GPM6B: variants seen among roughly 807,000 people sequenced by gnomAD.
GPM6B encodes the protein neuronal membrane glycoprotein M6-b.
A neutral mutation model predicts 27.2 loss-of-function variants in GPM6B; 4 were observed. That is an observed-to-expected ratio of 0.15 (90% CI 0.07 to 0.34). GPM6B has a LOEUF of 0.34. Ranked by LOEUF, GPM6B falls within the 10% of genes least tolerant of loss-of-function variation. The pLI, the probability that GPM6B is intolerant of heterozygous loss-of-function variation, is 1.00. For missense variants in GPM6B, 183 were observed against 261.9 expected, an observed-to-expected ratio of 0.70 and a Z score of 2.08; for synonymous variants, 124 against 103.1, an observed-to-expected ratio of 1.20 and a Z score of -1.23.
At chrX:13,813,683 GACA>G (rs1443930608) in intron 1 of GPM6B, among the ~76,000 whole-genome samples, 7 of 111,860 alleles carry the variant, frequency 6.3e-5, no homozygotes, top group South Asian at 3.7e-4. Flanking sequence ...CAAATGAAAT[GACA>G]ACAAGTAATA....
chrX:13,783,940 G>C (rs2048564092), intron 3 of GPM6B: 2 of 320,403 alleles, frequency 6.2e-6, no homozygotes, highest in Non-Finnish European at 1.2e-5. Flanking sequence ...CTTTCAAAAT[G>C]CCTCCCAACC....
At chrX:13,820,477 G>C (rs895544338), upstream of GPM6B, among the ~76,000 whole-genome samples, 6 of 110,960 alleles carry the variant, frequency 5.4e-5, no homozygotes, top group African/African-American at 2.0e-4. Context: ...GGGACTAAGA[G>C]GCATTCAGGA....
chrX:13,898,267 T>C (rs1258609830), intron 1 of GPM6B, among the ~76,000 whole-genome samples: 1 of 112,240 alleles, frequency 8.9e-6, no homozygotes, highest in Non-Finnish European at 1.9e-5. Context: ...GTCAGTAGCA[T>C]CCTCTAGTTA....
At chrX:13,776,939 T>C (rs1424629001) in intron 6 of GPM6B, among the ~76,000 whole-genome samples, 6 of 111,842 alleles carry the variant, frequency 5.4e-5, no homozygotes, top group Non-Finnish European at 9.4e-5. Flanking sequence ...CAAATTCCTC[T>C]ATGAAATAGA....
At chrX:13,780,025 A>C in intron 4 of GPM6B, 36 bp from the exon 5 acceptor site, 1 of 1,106,001 alleles carries the variant, frequency 9.0e-7, no homozygotes, top group South Asian at 2.2e-5. Context: ...ATCATCACTG[A>C]AACAGGTAGA....
intron 1 of GPM6B, among the ~76,000 whole-genome samples, chrX:13,863,078 C>A (rs1398910305): frequency 1.8e-5 from 2 of 111,612 alleles, no homozygotes; most frequent in African/African-American, 6.5e-5. Context: ...CTCTTCAATA[C>A]CACTAATATT....
chrX:13,924,309 T>C (rs922739997), intron 1 of GPM6B, among the ~76,000 whole-genome samples: 6 of 111,712 alleles, frequency 5.4e-5, no homozygotes, highest in Non-Finnish European at 1.1e-4. Context: ...TTTATTTTTA[T>C]TCTTTTTTGA....
At chrX:13,793,285 C>G (rs764916136) in intron 2 of GPM6B, among the ~76,000 whole-genome samples, 19 of 110,907 alleles carry the variant, frequency 1.7e-4, no homozygotes, top group African/African-American at 6.2e-4. Flanking sequence ...TGCAAGCCAC[C>G]CTCTGACCCC....
intron 1 of GPM6B, among the ~76,000 whole-genome samples, chrX:13,913,188 T>C (rs746682647): frequency 8.9e-6 from 1 of 111,759 alleles, no homozygotes; most frequent in East Asian, 2.8e-4. Context: ...CTCACTTTGT[T>C]GCCCAGGCTG....
intron 1 of GPM6B, among the ~76,000 whole-genome samples, chrX:13,893,637 T>C (rs2050207433): frequency 8.9e-6 from 1 of 112,281 alleles, no homozygotes; most frequent in African/African-American, 3.2e-5. Flanking sequence ...CACAAAATGC[T>C]GTGTGTGTCC....
chrX:13,782,442 A>G (rs1049039036), intron 4 of GPM6B, among the ~76,000 whole-genome samples: 2 of 111,667 alleles, frequency 1.8e-5, no homozygotes, highest in Non-Finnish European at 3.8e-5. Flanking sequence ...GCCCTGGTGG[A>G]AACTAGACCT....
chrX:13,822,082 G>A (rs2049314025), upstream of GPM6B, among the ~76,000 whole-genome samples: 2 of 111,295 alleles, frequency 1.8e-5, no homozygotes, highest in South Asian at 7.6e-4. Context: ...GACTCCTCAG[G>A]GGGCAGTCAT....
In GPM6B at chrX:13,783,525, C is replaced by T; in HGVS notation, c.369-4G>A. The T allele has an allele frequency of 8.4e-7, 1 of 1,188,791 alleles. No individual in the cohort carries two copies. The highest frequency in any genetic ancestry group is 1.1e-6 in the Non-Finnish European group (1 of 882,335). ...GACATACTGCATCAGTTGTATCCTA[C>T]AAAGAGAAGAAGAGATCCTGAACCA... On this transcript the variant is annotated splice_region_variant and splice_polypyrimidine_tract_variant and intron_variant, in intron 3 of 7. Coordinates refer to ENST00000316715, the MANE Select transcript of GPM6B (RefSeq NM_001001995.3).
chrX:13,785,105 G>A (rs1036828988), intron 3 of GPM6B, among the ~76,000 whole-genome samples: 3 of 111,435 alleles, frequency 2.7e-5, no homozygotes, highest in Non-Finnish European at 5.7e-5. Flanking sequence ...CCATTCCCAA[G>A]TAACATTCCA....
chrX:13,806,005 A>C (rs914785455), intron 2 of GPM6B, among the ~76,000 whole-genome samples: 4 of 111,252 alleles, frequency 3.6e-5, no homozygotes, highest in Admixed American at 2.9e-4. Context: ...TTTTTTTCAA[A>C]AGCAGCTTTA....
At chrX:13,812,048 C>CTTTTT (rs1187553585) in intron 1 of GPM6B, among the ~76,000 whole-genome samples, 17 of 88,883 alleles carry the variant, frequency 1.9e-4, no homozygotes, top group African/African-American at 3.9e-4. Context: ...TCTTTTCTTT[C>CTTTTT]TTTTTTTTTT....
intron 2 of GPM6B, among the ~76,000 whole-genome samples, chrX:13,804,891 A>G (rs770960862): frequency 9.0e-6 from 1 of 111,201 alleles, no homozygotes; most frequent in South Asian, 3.9e-4. Context: ...TAAGTATAGA[A>G]TGGCAACGGC....
At chrX:13,853,316 G>T (rs5979990) in intron 1 of GPM6B, among the ~76,000 whole-genome samples, 4,173 of 110,644 alleles carry the variant, frequency 0.038, 208 homozygotes, top group African/African-American at 0.13. Flanking sequence ...AAAGGAAAAA[G>T]ACACAAGCTG....
At chrX:13,911,614 G>T (rs1046775406) in intron 1 of GPM6B, among the ~76,000 whole-genome samples, 2 of 111,933 alleles carry the variant, frequency 1.8e-5, no homozygotes, top group African/African-American at 3.2e-5. Flanking sequence ...ATCAATTTTG[G>T]CCTTTACAAT....
Sources: gnomAD v4.1 joint callset for allele counts (sites outside exome capture counted in the v4.1 genomes callset) on GRCh38, gnomAD v4.1.1 for gene constraint, MANE v1.5 for transcripts, NCBI Gene and HGNC (gene_info 2026-07-23, HGNC 2026-07-21) for gene names.